The following SPIDR variants were observed in gnomAD, a reference collection of about 807,000 sequenced individuals.
SPIDR encodes DNA repair-scaffolding protein.
Under a neutral mutation model 104.6 loss-of-function variants are expected in SPIDR, and 93 were observed. The observed-to-expected ratio is 0.89, with a 90% CI of 0.75 to 1.06. SPIDR has a LOEUF of 1.06. Among genes scored for constraint, SPIDR ranks in the 50% least tolerant of loss-of-function variants. The pLI is 0.00. For missense variants in SPIDR, 1,154 were observed against 1,111.2 expected (o/e 1.04, Z -0.55); for synonymous variants, 431 against 416.9 (o/e 1.03, Z -0.41).
chr8:47,645,881 C>G (rs1025621910), intron 10 of SPIDR, among the ~76,000 whole-genome samples: 1 of 152,092 alleles, frequency 6.6e-6, no homozygotes, highest in Non-Finnish European at 1.5e-5. Context: ...AAACTGAAAT[C>G]GTAAAAGTTC....
intron 11 of SPIDR, among the ~76,000 whole-genome samples, chr8:47,685,477 T>TTTTATTTATTTATTTA (rs35880765): frequency 5.3e-5 from 7 of 131,540 alleles, no homozygotes; most frequent in African/African-American, 1.6e-4. Context: ...AGGTCAGTGG[T>TTTTATTTATTTATTTA]TTTATTTATT....
At chr8:47,435,843 C>T (rs1376891800) in intron 7 of SPIDR, among the ~76,000 whole-genome samples, 2 of 152,190 alleles carry the variant, frequency 1.3e-5, no homozygotes, top group African/African-American at 4.8e-5. Context: ...ATTTCCTATT[C>T]TTAACTGGCA....
At chr8:47,576,550 C>T (rs186876535) in intron 8 of SPIDR, among the ~76,000 whole-genome samples, 1 of 152,280 alleles carries the variant, frequency 6.6e-6, no homozygotes, top group East Asian at 1.9e-4. Flanking sequence ...CCTCGTGCTT[C>T]AGCCTCCCAA....
chr8:47,508,968 A>C (rs1171037895), intron 8 of SPIDR, among the ~76,000 whole-genome samples: 1 of 152,062 alleles, frequency 6.6e-6, no homozygotes, highest in Non-Finnish European at 1.5e-5. Context: ...ATAAAATGGA[A>C]GTGTTCTTTC....
chr8:47,475,619 T>C (rs1487882333), intron 8 of SPIDR, among the ~76,000 whole-genome samples: 1 of 152,224 alleles, frequency 6.6e-6, no homozygotes, highest in African/African-American at 2.4e-5. Flanking sequence ...TGTAACTCTT[T>C]TCTGTGAAAG....
chr8:47,590,642 A>G (rs1235466328), intron 8 of SPIDR, among the ~76,000 whole-genome samples: 8 of 152,150 alleles, frequency 5.3e-5, no homozygotes, highest in Non-Finnish European at 1.0e-4. Flanking sequence ...TTGGTGGAGT[A>G]TTCTATAATG....
intron 5 of SPIDR, among the ~76,000 whole-genome samples, chr8:47,379,164 A>G (rs1253528276): frequency 6.6e-6 from 1 of 152,164 alleles, no homozygotes; most frequent in Admixed American, 6.5e-5. Flanking sequence ...GGGAAGCAGA[A>G]CTGCACTACC....
At chr8:47,499,362 T>G (rs1439859478) in intron 8 of SPIDR, among the ~76,000 whole-genome samples, 2 of 152,148 alleles carry the variant, frequency 1.3e-5, no homozygotes, top group Non-Finnish European at 2.9e-5. Flanking sequence ...GACAGTTTCT[T>G]AGAGCTTTGG....
intron 10 of SPIDR, among the ~76,000 whole-genome samples, chr8:47,628,503 T>C (rs556808731): frequency 2.0e-5 from 3 of 152,336 alleles, no homozygotes; most frequent in African/African-American, 7.2e-5. Context: ...TGACACCTTT[T>C]CTTTCTTATG....
chr8:47,321,408 A>C (rs1342407030), intron 5 of SPIDR, among the ~76,000 whole-genome samples: 1 of 152,188 alleles, frequency 6.6e-6, no homozygotes, highest in African/African-American at 2.4e-5. Flanking sequence ...GACTTCTTCA[A>C]GGAGAACTAC....
chr8:47,562,802 G>T (rs1290137499), intron 8 of SPIDR, among the ~76,000 whole-genome samples: 1 of 152,096 alleles, frequency 6.6e-6, no homozygotes, highest in African/African-American at 2.4e-5. Flanking sequence ...TCCTACTCCT[G>T]TGCCACTGTC....
At chr8:47,553,331 A>C (rs1221813452) in intron 8 of SPIDR, among the ~76,000 whole-genome samples, 2 of 152,164 alleles carry the variant, frequency 1.3e-5, no homozygotes, top group Non-Finnish European at 2.9e-5. Flanking sequence ...TAATATCCTG[A>C]AGAGTGTTTT....
intron 8 of SPIDR, among the ~76,000 whole-genome samples, chr8:47,501,997 C>G (rs910762648): frequency 2.0e-5 from 3 of 152,164 alleles, no homozygotes; most frequent in African/African-American, 7.2e-5. Context: ...ATGAAGCCCA[C>G]TTGATCATGG....
In SPIDR at chr8:47,461,025, C is replaced by A. The variant is rs555817836; in HGVS notation, c.1097+20483C>A. Among the ~76,000 whole-genome samples the A allele has an allele frequency of 6.8e-4, 104 of 152,278 alleles. No homozygotes were observed. The South Asian group carries it at 0.021, about 31-fold the overall frequency. On this transcript the variant is annotated intron_variant, in intron 8 of 19. Transcript: ENST00000297423. ...ACTTGTAGGGTGTCTGCTGAGAAAT[C>A]TGCTGTTAATCTGATCAGTTTTTCT...
intron 8 of SPIDR, among the ~76,000 whole-genome samples, chr8:47,581,549 T>C (rs1211481939): frequency 1.3e-5 from 2 of 152,140 alleles, no homozygotes; most frequent in African/African-American, 4.8e-5. Flanking sequence ...CGCTCCAGCA[T>C]AGTAGCCCTG....
At chr8:47,379,971 C>T (rs78678604) in intron 5 of SPIDR, among the ~76,000 whole-genome samples, 3,103 of 152,328 alleles carry the variant, frequency 0.02, 66 homozygotes, top group Non-Finnish European at 0.025. Flanking sequence ...CAGGACTTCT[C>T]TCTCAATTTC....
At chr8:47,303,036 C>T (rs950151010) in intron 5 of SPIDR, among the ~76,000 whole-genome samples, 5 of 152,286 alleles carry the variant, frequency 3.3e-5, no homozygotes, top group Middle Eastern at 3.4e-3. Context: ...TATGCCCTGC[C>T]CCCAGAGGTG....
At chr8:47,362,717 A>G (rs2056308675) in intron 5 of SPIDR, among the ~76,000 whole-genome samples, 1 of 152,168 alleles carries the variant, frequency 6.6e-6, no homozygotes, top group African/African-American at 2.4e-5. Flanking sequence ...CAGTGGCACA[A>G]TCTCAGCTTA....
chr8:47,394,863 A>G (rs1554657193), intron 5 of SPIDR, among the ~76,000 whole-genome samples: 2 of 152,156 alleles, frequency 1.3e-5, no homozygotes, highest in African/African-American at 4.8e-5. Flanking sequence ...ATGGTTACTA[A>G]TGGGTTAACA....
Sources: gnomAD v4.1 joint callset for allele counts (sites outside exome capture counted in the v4.1 genomes callset) on GRCh38, gnomAD v4.1.1 for gene constraint, MANE v1.5 for transcripts, NCBI Gene and HGNC (gene_info 2026-07-23, HGNC 2026-07-21) for gene names.